Variants in MYLK observed in about 807,000 individuals in gnomAD.
MYLK encodes the protein myosin light chain kinase.
In MYLK, 106 loss-of-function variants were observed where a neutral mutation model predicts 203.4. The ratio of observed to expected loss-of-function variants is 0.52; its 90% CI spans 0.45 to 0.61. MYLK has a LOEUF of 0.61. MYLK is among the 20% of genes least tolerant of loss of function. The probability of loss-of-function intolerance (pLI) is 0.00; values close to 1 mark genes in which losing one functional copy is unlikely to be tolerated. For synonymous variants in MYLK, 867 were observed against 959.5 expected, an observed-to-expected ratio of 0.90 and a Z score of 1.78; for missense variants, 2,072 against 2,442.3, an observed-to-expected ratio of 0.85 and a Z score of 3.20.
chr3:123,785,791 A>C (rs537624672), intron 4 of MYLK, among the ~76,000 whole-genome samples: 81 of 152,354 alleles, frequency 5.3e-4, no homozygotes, highest in African/African-American at 1.9e-3. Context: ...GTGACTATTC[A>C]GCACTTAAAT....
intron 5 of MYLK, 52 bp downstream of exon 5, chr3:123,752,279 G>C: frequency 6.3e-7 from 1 of 1,582,366 alleles, no homozygotes; most frequent in Non-Finnish European, 8.7e-7. Flanking sequence ...TGCAGGCCTT[G>C]GGGTAACTGA....
At chr3:123,774,503 T>A (rs531812039) in intron 4 of MYLK, among the ~76,000 whole-genome samples, 1 of 151,072 alleles carries the variant, frequency 6.6e-6, no homozygotes, top group African/African-American at 2.4e-5. Context: ...GAAAAAAAAA[T>A]CTCAAAGAAG....
At chr3:123,807,341 A>C (rs2065404739) in intron 3 of MYLK, among the ~76,000 whole-genome samples, 1 of 151,924 alleles carries the variant, frequency 6.6e-6, no homozygotes, top group Non-Finnish European at 1.5e-5. Flanking sequence ...AGGCAGGAGA[A>C]TCTCTTGAAC....
At position 123,700,182 on chromosome 3, in the gene MYLK, T is replaced by A. The variant is rs200287208; in HGVS notation, c.3286A>T (p.Thr1096Ser). ...AGCTTCTGCTTGAAGGCTGGGGCTG[T>A]CCCCTGGCTCTCTGATCTCTTTTCA... ...DNEKRSESQG[T>S]APAFKQKLQD... Residue 1096 changes from threonine to serine, a missense_variant, in exon 18 of 34, where the codon ACA becomes TCA. Transcript: ENST00000360304. 1 of 1,613,896 alleles carries A rather than the reference T, an allele frequency of 6.2e-7. No homozygotes were observed. The highest frequency in any genetic ancestry group is 8.5e-7 in the Non-Finnish European group (1 of 1,179,988).
intron 20 of MYLK, among the ~76,000 whole-genome samples, chr3:123,679,420 G>T (rs1420648251): frequency 2.0e-5 from 3 of 152,008 alleles, no homozygotes; most frequent in Admixed American, 2.0e-4. Flanking sequence ...TATCTCTCAG[G>T]CCCCCAGGGT....
At chr3:123,668,856 C>G (rs1367458150) in intron 20 of MYLK, among the ~76,000 whole-genome samples, 1 of 152,192 alleles carries the variant, frequency 6.6e-6, no homozygotes, top group Non-Finnish European at 1.5e-5. Context: ...CCCTTCTCCT[C>G]CTCCTAAACT....
At chr3:123,623,358 C>G (rs9814120) in intron 31 of MYLK, 1 of 152,180 alleles carries the variant, frequency 6.6e-6, no homozygotes, top group Non-Finnish European at 1.5e-5. Context: ...AGTGTGCATG[C>G]GGAAACCCTG....
rs567402542 is a variant in MYLK, at chr3:123,696,239, T to C, written c.3449-3388A>G. Among the ~76,000 whole-genome samples, 5 of 152,116 alleles carry C rather than the reference T, an allele frequency of 3.3e-5. No homozygotes were observed. In the South Asian group the frequency reaches 8.3e-4, roughly 25 times the overall value. On this transcript the variant is annotated intron_variant, in intron 18 of 33. Transcript: ENST00000360304. ...CTATAAACAGCACGTCCACTAGCAG[T>C]TGGTGCACGCAGATACACAGGTTGA...
intron 20 of MYLK, among the ~76,000 whole-genome samples, chr3:123,672,575 G>A (rs955184484): frequency 5.3e-5 from 8 of 152,184 alleles, no homozygotes; most frequent in African/African-American, 1.7e-4. Flanking sequence ...CATGAAATCA[G>A]GGGACTCCAA....
At chr3:123,711,826 T>G (rs2061705862) in intron 13 of MYLK, among the ~76,000 whole-genome samples, 1 of 152,198 alleles carries the variant, frequency 6.6e-6, no homozygotes, top group Admixed American at 6.5e-5. Context: ...CTAGACCTTC[T>G]TCAGGAAGTG....
rs144283438 is a variant in MYLK, at chr3:123,680,073, C to T, written c.3652+2151G>A. Among the ~76,000 whole-genome samples, 147 of 152,298 alleles carry T rather than the reference C, an allele frequency of 9.7e-4. 1 individual carries two copies. Among genetic ancestry groups the T allele is most frequent in the East Asian group, 3.9e-4 (2 of 5,182 alleles). Reference sequence around the variant, plus strand: ...GGTCTGGGGGCAGGGGAAGCCTGTGCGGCAGTGGTTTAAATGCTCCCCAGG... The same window carrying T: ...GGTCTGGGGGCAGGGGAAGCCTGTGTGGCAGTGGTTTAAATGCTCCCCAGG... On this transcript the variant is annotated intron_variant, in intron 20 of 33. Coordinates refer to ENST00000360304, the MANE Select transcript of MYLK (RefSeq NM_053025.4).
intron 11 of MYLK, 113 bp from the exon 12 acceptor site, chr3:123,726,191 T>G: frequency 2.1e-6 from 3 of 1,400,182 alleles, no homozygotes; most frequent in Non-Finnish European, 3.0e-6. Flanking sequence ...CTGGGTACCC[T>G]CGGCAGCCTG....
chr3:123,706,550 C>A (rs1209286525), intron 16 of MYLK, among the ~76,000 whole-genome samples: 1 of 152,116 alleles, frequency 6.6e-6, no homozygotes, highest in African/African-American at 2.4e-5. Context: ...TGCTCTTCTT[C>A]GATGCTTACA....
rs2059118422 is a variant in MYLK, at chr3:123,649,034, G to A, written c.4352C>T (p.Thr1451Ile). 1 of 1,614,186 alleles carries A rather than the reference G, an allele frequency of 6.2e-7. No individual in the cohort carries two copies. Among genetic ancestry groups the A allele is most frequent in the Non-Finnish European group, 8.5e-7 (1 of 1,180,028 alleles). The change falls in exon 26 of 34, where the codon ACA becomes ATA. Residue 1451 changes from threonine (T) to isoleucine (I), a missense_variant. Coordinates refer to ENST00000360304, the MANE Select transcript of MYLK (RefSeq NM_053025.4). The stretch of plus-strand genomic sequence containing the variant: ...TTTTTGTTCAGTATTGATTGTCACT[G>A]TCCGGTAATCAACCTCGGGCTCCTT... ...DEKEPEVDYR[T>I]VTINTEQKVS...
chr3:123,733,838 C>A lies in MYLK; in HGVS notation c.1158G>T (p.Gln386His). The change falls in exon 10 of 34, where the codon CAG becomes CAT. Residue 386 changes from glutamine (Q) to histidine (H), a missense_variant. Transcript: ENST00000360304. ...PPRPATFPTR[Q>H]PGLGSQDVVS... ...CAACATCTTGGCTCCCCAGGCCAGG[C>A]TGCCTGGTGGGGAAGGTGGCTGGAC... 1 of 1,614,194 alleles carries A rather than the reference C, an allele frequency of 6.2e-7. No homozygotes were observed. The highest frequency in any genetic ancestry group is 1.1e-5 in the South Asian group (1 of 91,074).
chr3:123,685,569 A>C (rs2108478526), intron 19 of MYLK, among the ~76,000 whole-genome samples: 1 of 149,180 alleles, frequency 6.7e-6, no homozygotes, highest in Middle Eastern at 3.5e-3. Context: ...ATGCCACTTA[A>C]CTCCAGCATG....
At chr3:123,879,716 G>A (rs909520085) in intron 1 of MYLK, among the ~76,000 whole-genome samples, 6 of 152,244 alleles carry the variant, frequency 3.9e-5, no homozygotes, top group Admixed American at 3.9e-4. Flanking sequence ...CTCACTGCAA[G>A]CTCCGCCTCC....
At chr3:123,665,243 T>A (rs1300559729) in intron 22 of MYLK, among the ~76,000 whole-genome samples, 1 of 152,232 alleles carries the variant, frequency 6.6e-6, no homozygotes, top group Non-Finnish European at 1.5e-5. Flanking sequence ...GGCTGGTGGC[T>A]GCCATATTGG....
chr3:123,740,555 G>A (rs926979087), intron 5 of MYLK, among the ~76,000 whole-genome samples: 6 of 152,250 alleles, frequency 3.9e-5, no homozygotes, highest in Non-Finnish European at 7.3e-5. Context: ...AGCAGGACAG[G>A]TCACTGCAGA....
Sources: allele counts gnomAD v4.1 joint callset (sites outside exome capture counted in the v4.1 genomes callset), GRCh38; gene constraint gnomAD v4.1.1; transcripts MANE v1.5; gene names NCBI Gene and HGNC (gene_info 2026-07-23, HGNC 2026-07-21).